The following GJD2 variants were observed in gnomAD, a reference collection of about 807,000 sequenced individuals.
GJD2 encodes the protein gap junction delta-2 protein.
Under a neutral mutation model 24.3 loss-of-function variants are expected in GJD2, and 12 were observed. The observed-to-expected ratio is 0.49, with a 90% CI of 0.32 to 0.80. The LOEUF is 0.80. Among genes scored for constraint, GJD2 ranks in the 30% least tolerant of loss-of-function variants. The pLI, the probability that GJD2 is intolerant of heterozygous loss-of-function variation, is 0.04. For missense variants in GJD2, 268 were observed against 402.4 expected, an observed-to-expected ratio of 0.67 and a Z score of 2.86; for synonymous variants, 171 against 155.2, an observed-to-expected ratio of 1.10 and a Z score of -0.76.
In GJD2 at chr15:34,751,630, CCACAAG is replaced by C. The variant is rs1891103534; in HGVS notation, c.*842_*847del. 2.6e-5 allele frequency: 4 copies of C among 152,088 alleles called. No homozygotes were observed. The highest frequency in any genetic ancestry group is 4.8e-5 in the African/African-American group (2 of 41,404). The allele number at this position is 152,088 out of a possible 1,614,324, so 9.4% of individuals were successfully genotyped here. ...AAATCTTTTTAATGTTAACCAAAGT[CCACAAG>C]CTGGAAGGCAGAAATATCCTGAAGC... On this transcript the variant is annotated 3_prime_UTR_variant, in exon 2 of 2. Transcript: ENST00000290374.
Position 34,752,227 on chromosome 15 carries a change from A to G in GJD2, c.*251T>C. ...GGATCAGGCTAGGCCATAAACAGAA[A>G]GGGACCAAAGAAGTCTAATTGATCC... On this transcript the variant is annotated 3_prime_UTR_variant, in exon 2 of 2. Transcript: ENST00000290374. 1 of 521,340 alleles carries G rather than the reference A, an allele frequency of 1.9e-6. No homozygotes were observed. Among genetic ancestry groups the G allele is most frequent in the South Asian group, 2.5e-5 (1 of 40,220 alleles). 32.3% of individuals were successfully genotyped at this position (521,340 alleles called of 1,614,324 possible).
rs2140413928 is a variant in GJD2 at position 34,752,544 on chromosome 15, C to T, written c.900G>A (p.Lys300=). 6.2e-7 allele frequency: 1 copy of T among 1,614,194 alleles called. No homozygotes were observed. The highest frequency in any genetic ancestry group is 8.5e-7 in the Non-Finnish European group (1 of 1,180,020). ...KRKSIYEIRN[K]DLPRVSVPNF... ...TGGGAACACTGACCCTTGGCAGGTC[C>T]TTGTTACGAATCTCATAGATTGACT... Residue 300 remains lysine, a synonymous_variant, in exon 2 of 2, where the codon AAG becomes AAA. Coordinates refer to ENST00000290374, the MANE Select transcript of GJD2 (RefSeq NM_020660.3).
At position 34,752,832 on chromosome 15, in the gene GJD2, C is replaced by A. The variant is rs143687702; in HGVS notation, c.612G>T (p.Val204=). 9 of 1,614,046 alleles carry A rather than the reference C, an allele frequency of 5.6e-6. No individual in the cohort carries two copies. The Middle Eastern group carries it at 4.9e-4, about 88-fold the overall frequency. The part of the protein sequence containing the change: ...GISRFYIIQV[V]FRNALEIGFL... ...ACCCAATTTCCAGGGCATTTCGGAA[C>A]ACCACTTGGATAATGTAGAAGCGGG... Residue 204 remains valine, a synonymous_variant, in exon 2 of 2, where the codon GTG becomes GTT. Coordinates refer to ENST00000290374, the MANE Select transcript of GJD2 (RefSeq NM_020660.3).
In GJD2 at chr15:34,754,337, G is replaced by A. The variant is rs1708050530; in HGVS notation, c.71+81C>T. On this transcript the variant is annotated intron_variant, in intron 1 of 1. Coordinates refer to ENST00000290374, the MANE Select transcript of GJD2 (RefSeq NM_020660.3). This position sits in a 1 kb window ranked among gnomAD's most constrained non-coding sequence, Gnocchi z 5.9. ...CAGAGGACGGACTGGGGATTGGAGCGGGAGACTCAGTCCAGGTGTGAGAAG... is the reference window on the plus strand; with the variant it reads ...CAGAGGACGGACTGGGGATTGGAGCAGGAGACTCAGTCCAGGTGTGAGAAG... 11 of 942,500 alleles carry A rather than the reference G, an allele frequency of 1.2e-5. No homozygotes were observed. The highest frequency in any genetic ancestry group is 1.1e-4 in the South Asian group (8 of 76,132). 58.4% of individuals were successfully genotyped at this position (942,500 alleles called of 1,614,324 possible). A position where few individuals can be genotyped will look rare whatever the true frequency, so the allele number is the denominator to read the frequency against.
In GJD2 at chr15:34,753,097, A is replaced by G. The variant is rs576981376; in HGVS notation, c.347T>C (p.Leu116Pro). 2 of 1,613,984 alleles carry G rather than the reference A, an allele frequency of 1.2e-6. No individual in the cohort carries two copies. Among genetic ancestry groups the G allele is most frequent in the African/African-American group, 2.7e-5 (2 of 74,958 alleles). The change falls in exon 2 of 2, where the codon CTG (leucine) becomes CCG (proline). Residue 116 changes from leucine to proline, a missense_variant. Physicochemically the swap from Leu to Pro is moderately conservative, Grantham distance 98. Around this residue, in one of 3 missense-constraint regions of GJD2, gnomAD observed 87 missense variants for 77.8 expected, o/e 1.12. Coordinates refer to ENST00000290374, the MANE Select transcript of GJD2 (RefSeq NM_020660.3). ...TATGGACTCAGGGGGGTCTCTGTCC[A>G]GGGCTAGGAAGACTGTAGAGTAGCG... ...ERRYSTVFLALDRDPPESIGG... is the reference protein window; with the variant it reads ...ERRYSTVFLAPDRDPPESIGG...
chr15:34,753,505 T>C (rs1320176277), intron 1 of GJD2, 133 bp from the exon 2 acceptor site: 2 of 742,358 alleles, frequency 2.7e-6, no homozygotes, highest in African/African-American at 3.5e-5. Context: ...GGGCTGGTAC[T>C]GAACTAGGAA....
chr15:34,754,765 A>T lies in GJD2; in HGVS notation c.-277T>A, dbSNP rs1196517523. 2.8e-6 allele frequency: 1 copy of T among 358,624 alleles called. No individual in the cohort carries two copies. The highest frequency in any genetic ancestry group is 5.1e-6 in the Non-Finnish European group (1 of 196,274). The allele number at this position is 358,624 out of a possible 1,614,324, so 22.2% of individuals were successfully genotyped here. On this transcript the variant is annotated 5_prime_UTR_variant, in exon 1 of 2. Transcript: ENST00000290374. The surrounding 1 kb of genome is among the most constrained non-coding windows in gnomAD (Gnocchi z 5.9). ...GGCGCCGTCCGGGGTTCGGGTCTGG[A>T]TCCCGCGGACGCCGGGACGAGGGGC...
At position 34,752,265 on chromosome 15, in the gene GJD2, T is replaced by C; in HGVS notation, c.*213A>G. On this transcript the variant is annotated 3_prime_UTR_variant, in exon 2 of 2. Transcript: ENST00000290374. The stretch of plus-strand genomic sequence containing the variant: ...GTCTAATTGATCCATTTCATCACTC[T>C]ACCCAATCGTCTCTGTAGAACCAAT... 1 of 578,132 alleles carries C rather than the reference T, an allele frequency of 1.7e-6. No individual in the cohort carries two copies. The highest frequency in any genetic ancestry group is 3.1e-6 in the Non-Finnish European group (1 of 325,136). 35.8% of individuals were successfully genotyped at this position (578,132 alleles called of 1,614,324 possible).
chr15:34,753,478 G>A, intron 1 of GJD2, 106 bp from the exon 2 acceptor site: 1 of 1,041,196 alleles, frequency 9.6e-7, no homozygotes, highest in Non-Finnish European at 1.4e-6. Context: ...TCTTTTGACT[G>A]GGGAGCTGTC....
At position 34,753,121 on chromosome 15, in the gene GJD2, C is replaced by T. The variant is rs780722117; in HGVS notation, c.323G>A (p.Arg108His). 9.3e-6 allele frequency: 15 copies of T among 1,613,978 alleles called. No homozygotes were observed. The highest frequency in any genetic ancestry group is 2.2e-5 in the South Asian group (2 of 91,074). The change falls in exon 2 of 2, where the codon CGC becomes CAC. Residue 108 changes from arginine to histidine, a missense_variant. Physicochemically the swap from Arg to His is conservative, Grantham distance 29. Transcript: ENST00000290374. ...CAGGGCTAGGAAGACTGTAGAGTAG[C>T]GGCGTTCTCGCTGCTTGGCGGACTG... ...VHQSAKQRER[R>H]YSTVFLALDR...
chr15:34,753,501 G>C, intron 1 of GJD2, 129 bp from the exon 2 acceptor site: 1 of 768,836 alleles, frequency 1.3e-6, no homozygotes. Flanking sequence ...TCCCGGGCTG[G>C]TACTGAACTA....
Position 34,752,979 on chromosome 15 carries a change from C to T in GJD2, c.465G>A (p.Gln155=), listed in dbSNP as rs1891127663. 1.2e-6 allele frequency: 2 copies of T among 1,614,074 alleles called. No homozygotes were observed. Among genetic ancestry groups the T allele is most frequent in the African/African-American group, 1.3e-5 (1 of 74,924 alleles). ...LQNAIVNGVL[Q]NTENTSKETE... is the part of the protein sequence containing the mutation. ...TCTCCTTACTGGTGTTCTCTGTGTT[C>T]TGCAGCACCCCATTCACAATAGCAT... Residue 155 remains glutamine (Q), a synonymous_variant, in exon 2 of 2, where the codon CAG becomes CAA. Transcript: ENST00000290374.
chr15:34,753,053 C>T lies in GJD2; in HGVS notation c.391G>A (p.Gly131Arg), dbSNP rs370993851. The change falls in exon 2 of 2, where the codon GGG (glycine) becomes AGG (arginine). Residue 131 changes from glycine (G) to arginine (R), a missense_variant. Transcript: ENST00000290374. ...PESIGGPGGTGGGGSGGGKRE... is the reference protein window; with the variant it reads ...PESIGGPGGTRGGGSGGGKRE... ...TTGCCCCCACCACTGCCCCCACCCC[C>T]AGTTCCTCCAGGACCTCCTATGGAC... The T allele has an allele frequency of 4.3e-6, 7 of 1,614,010 alleles. No homozygotes were observed. The African/African-American group carries it at 9.3e-5, about 22-fold the overall frequency.
rs1012507439 is a variant in GJD2 at position 34,751,682 on chromosome 15, G to T, written c.*796C>A. ...GAAGCTCGTAACCGTGTGCCTAACT[G>T]TGCAACAACAATCTCACAAAAGTGT... On this transcript the variant is annotated 3_prime_UTR_variant, in exon 2 of 2. Coordinates refer to ENST00000290374, the MANE Select transcript of GJD2 (RefSeq NM_020660.3). The T allele has an allele frequency of 2.0e-5, 3 of 152,104 alleles. No homozygotes were observed. Among genetic ancestry groups the T allele is most frequent in the African/African-American group, 7.2e-5 (3 of 41,402 alleles). 9.4% of individuals were successfully genotyped at this position (152,104 alleles called of 1,614,324 possible).
At position 34,753,229 on chromosome 15, in the gene GJD2, G is replaced by T. The variant is rs1444340731; in HGVS notation, c.215C>A (p.Pro72His). 1.9e-6 allele frequency: 3 copies of T among 1,614,040 alleles called. No individual in the cohort carries two copies. The highest frequency in any genetic ancestry group is 2.5e-6 in the Non-Finnish European group (3 of 1,180,032). The change falls in exon 2 of 2, where the codon CCC becomes CAC. Residue 72 changes from proline (P) to histidine (H), a missense_variant. Physicochemically the swap from Pro to His is moderately conservative, Grantham distance 77. Transcript: ENST00000290374. ...CNQACYDRAF[P>H]ISHIRYWVFQ... ...GACCCAGTAACGTATGTGGGAGATG[G>T]GGAAGGCGCGGTCATAGCAGGCCTG...
rs1891128019 is a variant in GJD2, at chr15:34,752,988, C to T, written c.456G>A (p.Gly152=). ...DKKLQNAIVN[G]VLQNTENTSK... ...TGGTGTTCTCTGTGTTCTGCAGCACCCCATTCACAATAGCATTTTGCAACT... is the reference window on the plus strand; with the variant it reads ...TGGTGTTCTCTGTGTTCTGCAGCACTCCATTCACAATAGCATTTTGCAACT... The change falls in exon 2 of 2, where the codon GGG becomes GGA. Residue 152 remains glycine (G), a synonymous_variant. Coordinates refer to ENST00000290374, the MANE Select transcript of GJD2 (RefSeq NM_020660.3). 2.5e-6 allele frequency: 4 copies of T among 1,614,112 alleles called. No homozygotes were observed. Among genetic ancestry groups the T allele is most frequent in the Non-Finnish European group, 3.4e-6 (4 of 1,180,028 alleles).
In GJD2 at chr15:34,753,042, G is replaced by T. The variant is rs771398681; in HGVS notation, c.402C>A (p.Gly134=). The change falls in exon 2 of 2, where the codon GGC becomes GGA. Residue 134 remains glycine, a synonymous_variant. Coordinates refer to ENST00000290374, the MANE Select transcript of GJD2 (RefSeq NM_020660.3). ...IGGPGGTGGG[G]SGGGKREDKK... ...TATCTTCTCGTTTGCCCCCACCACT[G>T]CCCCCACCCCCAGTTCCTCCAGGAC... 1.9e-6 allele frequency: 3 copies of T among 1,613,928 alleles called. No individual in the cohort carries two copies. The highest frequency in any genetic ancestry group is 1.1e-5 in the South Asian group (1 of 91,066).
intron 1 of GJD2, among the ~76,000 whole-genome samples, chr15:34,753,820 G>A (rs1455330110): frequency 1.3e-5 from 2 of 151,972 alleles, no homozygotes; most frequent in African/African-American, 4.8e-5. Flanking sequence ...TAAATTTAAT[G>A]CTTTATATAA....
At position 34,751,805 on chromosome 15, in the gene GJD2, C is replaced by A. The variant is rs1190302702; in HGVS notation, c.*673G>T. The stretch of plus-strand genomic sequence containing the variant: ...AGTTAGAAAACTGGAAATATTGAGA[C>A]ATTCCTAAGGTTTTCATCACGACTA... On this transcript the variant is annotated 3_prime_UTR_variant, in exon 2 of 2. Transcript: ENST00000290374. The A allele has an allele frequency of 1.5e-5, 2 of 135,928 alleles. No homozygotes were observed. Among genetic ancestry groups the A allele is most frequent in the African/African-American group, 5.5e-5 (2 of 36,130 alleles). 8.4% of individuals were successfully genotyped at this position (135,928 alleles called of 1,614,324 possible).
Sources: allele counts gnomAD v4.1 joint callset (sites outside exome capture counted in the v4.1 genomes callset), GRCh38; gene constraint gnomAD v4.1.1; regional missense constraint gnomAD v4.1.1; non-coding constraint Gnocchi (gnomAD v3.1); transcripts MANE v1.5; gene names NCBI Gene and HGNC (gene_info 2026-07-23, HGNC 2026-07-21).